The following ITPR3 variants were observed in gnomAD, a reference collection of about 807,000 sequenced individuals.
ITPR3 encodes the protein inositol 1,4,5-trisphosphate receptor type 3.
A neutral mutation model predicts 293.2 loss-of-function variants in ITPR3; 173 were observed. That is an observed-to-expected ratio of 0.59 (90% CI 0.52 to 0.67). The LOEUF (loss-of-function observed/expected upper bound fraction) is 0.67. Ranked by LOEUF, ITPR3 falls within the 30% of genes least tolerant of loss-of-function variation. The probability of loss-of-function intolerance (pLI) is 0.00; values close to 1 mark genes in which losing one functional copy is unlikely to be tolerated. For missense variants in ITPR3, 2,796 were observed against 3,592.1 expected (o/e 0.78, Z 5.66); for synonymous variants, 1,295 against 1,444.4 (o/e 0.90, Z 2.35).
chr6:33,693,997 C>T (rs560623354), intron 56 of ITPR3, among the ~76,000 whole-genome samples: 2 of 152,350 alleles, frequency 1.3e-5, no homozygotes, highest in East Asian at 1.9e-4. Context: ...AAAAATCCCA[C>T]AGCAAACCCA....
chr6:33,674,817 T>C (rs1051653919), intron 24 of ITPR3, among the ~76,000 whole-genome samples: 1 of 152,222 alleles, frequency 6.6e-6, no homozygotes, highest in Non-Finnish European at 1.5e-5. Flanking sequence ...GACAGTTATG[T>C]ATGTGCCTCT....
chr6:33,692,467 CCTT>C lies in ITPR3; in HGVS notation c.7459-258_7459-256del, dbSNP rs1765421647. On this transcript the variant is annotated intron_variant, in intron 54 of 57. Coordinates refer to ENST00000605930, the MANE Select transcript of ITPR3 (RefSeq NM_002224.4). This position sits in a 1 kb window ranked among gnomAD's most constrained non-coding sequence, Gnocchi z 4.2. ...CGTAGCCCTACCTCCCCGCCAGACT[CCTT>C]CTGCAGGCCTCCACCCCGGCGTGTC... Among the ~76,000 whole-genome samples the C allele has an allele frequency of 6.6e-6, 1 of 152,094 alleles. No homozygotes were observed. Among genetic ancestry groups the C allele is most frequent in the South Asian group, 2.1e-4 (1 of 4,834 alleles).
chr6:33,657,433 GCA>G (rs1165166744), intron 3 of ITPR3, among the ~76,000 whole-genome samples: 33 of 152,176 alleles, frequency 2.2e-4, no homozygotes, highest in Non-Finnish European at 5.9e-5. Context: ...TGGGCTGAAT[GCA>G]CACAGTTTTG....
rs1764983090 is a variant in ITPR3 at position 33,678,703 on chromosome 6, G to A, written c.3836G>A (p.Ser1279Asn). The change falls in exon 30 of 58, where the codon AGC becomes AAC. Residue 1279 changes from serine (S) to asparagine (N), a missense_variant. Physicochemically the swap from Ser to Asn is conservative, Grantham distance 46 (BLOSUM62 1). This residue lies in a region of ITPR3 where 344 missense variants were observed against 460.3 expected (regional missense o/e 0.75). Transcript: ENST00000605930. ...LNNYQLCSEI[S>N]EPVLQHFVHL... ...AACTATCAGCTCTGCTCCGAGATCAGCGAGCCTGTGTTGCAGCACTTCGTG... is the reference window on the plus strand; with the variant it reads ...AACTATCAGCTCTGCTCCGAGATCAACGAGCCTGTGTTGCAGCACTTCGTG... 6.2e-7 allele frequency: 1 copy of A among 1,613,166 alleles called. No homozygotes were observed.
chr6:33,631,474 G>A (rs747419843), intron 1 of ITPR3, among the ~76,000 whole-genome samples: 1 of 152,222 alleles, frequency 6.6e-6, no homozygotes, highest in Non-Finnish European at 1.5e-5. Flanking sequence ...GCATATGTCA[G>A]CGTTTTCTTC....
At chr6:33,650,332 G>A (rs1355365941) in intron 2 of ITPR3, among the ~76,000 whole-genome samples, 2 of 152,262 alleles carry the variant, frequency 1.3e-5, no homozygotes, top group Non-Finnish European at 2.9e-5. Context: ...CTTCTGGCAT[G>A]TGTATGTGTG....
chr6:33,687,133 G>A lies in ITPR3; in HGVS notation c.6075+29G>A, dbSNP rs1369147233. ...AGGCTGGGCAGGTGGGCAGGCGGGC[G>A]GAACCAGGTGGAGTGTGTTGGGATG... On this transcript the variant is annotated intron_variant, in intron 44 of 57. Coordinates refer to ENST00000605930, the MANE Select transcript of ITPR3 (RefSeq NM_002224.4). This position sits in a 1 kb window ranked among gnomAD's most constrained non-coding sequence, Gnocchi z 5.3. 17 of 1,608,628 alleles carry A rather than the reference G, an allele frequency of 1.1e-5. No individual in the cohort carries two copies. The highest frequency in any genetic ancestry group is 1.3e-5 in the African/African-American group (1 of 74,772).
Position 33,682,806 on chromosome 6 carries a change from T to C in ITPR3, c.4597+162T>C, listed in dbSNP as rs1416673413. ...CTTGGCGTCTGCCTCATCCTGGCAA[T>C]TGAGAGAAGCTGTTTTCTCCTCTGG... On this transcript the variant is annotated intron_variant, in intron 34 of 57. Coordinates refer to ENST00000605930, the MANE Select transcript of ITPR3 (RefSeq NM_002224.4). This position sits in a 1 kb window ranked among gnomAD's most constrained non-coding sequence, Gnocchi z 5.4. 6.6e-6 allele frequency among the ~76,000 whole-genome samples: 1 copy of C among 152,170 alleles called. No homozygotes were observed. Among genetic ancestry groups the C allele is most frequent in the Non-Finnish European group, 1.5e-5 (1 of 68,020 alleles).
chr6:33,675,939 A>C lies in ITPR3; in HGVS notation c.3282+83A>C. The stretch of plus-strand genomic sequence containing the variant: ...ACAGTAAACGATGATTGAGGAGCTC[A>C]CAGCTCAAGGGGTAACTTGGGATGC... On this transcript the variant is annotated intron_variant, in intron 25 of 57. Coordinates refer to ENST00000605930, the MANE Select transcript of ITPR3 (RefSeq NM_002224.4). This position sits in a 1 kb window ranked among gnomAD's most constrained non-coding sequence, Gnocchi z 5.0. The C allele has an allele frequency of 2.0e-5, 28 of 1,420,782 alleles. No individual in the cohort carries two copies. The highest frequency in any genetic ancestry group is 2.9e-5 in the African/African-American group (2 of 69,064). The allele number at this position is 1,420,782 out of a possible 1,614,324, so 88.0% of individuals were successfully genotyped here.
chr6:33,680,602 G>T lies in ITPR3; in HGVS notation c.4398G>T (p.Lys1466Asn). ...GCGTGGCTGACCCCACCTTGGAGAA[G>T]TACGTGCTGAGCGTTGTGCTGGACA... ...EKRVADPTLEKYVLSVVLDTI... is the reference protein window; with the variant it reads ...EKRVADPTLENYVLSVVLDTI... The change falls in exon 33 of 58, where the codon AAG becomes AAT. Residue 1466 changes from lysine (K) to asparagine (N), a missense_variant. Physicochemically the swap from Lys to Asn is moderately conservative, Grantham distance 94 (BLOSUM62 0). Around this residue, in one of 8 missense-constraint regions of ITPR3, gnomAD observed 344 missense variants for 460.3 expected, o/e 0.75. Transcript: ENST00000605930. 6.2e-7 allele frequency: 1 copy of T among 1,614,114 alleles called. No homozygotes were observed. Among genetic ancestry groups the T allele is most frequent in the Non-Finnish European group, 8.5e-7 (1 of 1,180,016 alleles).
Position 33,687,231 on chromosome 6 carries a change from C to T in ITPR3, c.6081C>T (p.Asp2027=), listed in dbSNP as rs766466833. ...AACAGGCACTGCCCCTCCAGGTGGA[C>T]GTCATCAAGAAGGCCTACCTGCAGG... The part of the protein sequence containing the change: ...LISLRPQELV[D]VIKKAYLQEE... The change falls in exon 45 of 58, where the codon GAC becomes GAT. Residue 2027 remains aspartate (D), a synonymous_variant. Transcript: ENST00000605930. This position sits in a 1 kb window ranked among gnomAD's most constrained non-coding sequence, Gnocchi z 5.3. The T allele has an allele frequency of 4.3e-6, 7 of 1,612,216 alleles. No individual in the cohort carries two copies. The highest frequency in any genetic ancestry group is 3.3e-4 in the Middle Eastern group (2 of 6,080).
intron 8 of ITPR3, 110 bp downstream of exon 8, chr6:33,662,784 C>T: frequency 6.7e-7 from 1 of 1,499,140 alleles, no homozygotes. Context: ...CCTCTGAGTC[C>T]CTCCAGAGTC....
In ITPR3 at chr6:33,621,694, G is replaced by A; in HGVS notation, c.89+3G>A. On this transcript the variant is annotated splice_donor_region_variant and intron_variant, in intron 1 of 57. Transcript: ENST00000605930. This position sits in a 1 kb window ranked among gnomAD's most constrained non-coding sequence, Gnocchi z 7.7. Reference sequence around the variant, plus strand: ...AATGGCTTCATCAGCACTTTGGGGTGAGTGAGCCGAGCTCGAGAGGGGCGC... The same window carrying A: ...AATGGCTTCATCAGCACTTTGGGGTAAGTGAGCCGAGCTCGAGAGGGGCGC... 6.2e-7 allele frequency: 1 copy of A among 1,600,086 alleles called. No homozygotes were observed.
chr6:33,642,854 C>G (rs1430231989), intron 2 of ITPR3, among the ~76,000 whole-genome samples: 3 of 152,194 alleles, frequency 2.0e-5, no homozygotes, highest in African/African-American at 7.2e-5. Flanking sequence ...TGCCCCAGCT[C>G]CTGGTTCCTT....
chr6:33,627,508 A>T (rs1763574817), intron 1 of ITPR3, among the ~76,000 whole-genome samples: 1 of 152,270 alleles, frequency 6.6e-6, no homozygotes, highest in Non-Finnish European at 1.5e-5. Context: ...AAGCAACTCT[A>T]GTATTCAACA....
rs2127287450 is a variant in ITPR3, at chr6:33,672,554, AAT to A, written c.2928+328_2928+329del. On this transcript the variant is annotated intron_variant, in intron 22 of 57. Transcript: ENST00000605930. The surrounding 1 kb of genome is among the most constrained non-coding windows in gnomAD (Gnocchi z 5.0). ...GTGAGACCCCGTCTCTATTAAAAAA[AAT>A]AGTAATAACGATAAATAAATAAAAA... Among the ~76,000 whole-genome samples, 1 of 152,264 alleles carries A rather than the reference AAT, an allele frequency of 6.6e-6. No homozygotes were observed. Among genetic ancestry groups the A allele is most frequent in the African/African-American group, 2.4e-5 (1 of 41,542 alleles).
Position 33,662,957 on chromosome 6 carries a change from G to T in ITPR3, c.905G>T (p.Gly302Val). The change falls in exon 9 of 58, where the codon GGC becomes GTC. Residue 302 changes from glycine to valine, a missense_variant. Physicochemically the swap from Gly to Val is moderately radical, Grantham distance 109 (BLOSUM62 -3). Transcript: ENST00000605930. The part of the protein sequence containing the change: ...PCRGGAGHWN[G>V]LYRFKHLATG... ...CGTGGAGGAGCTGGGCACTGGAATG[G>T]CTTGTACCGCTTCAAGCACCTGGCT... 1.2e-6 allele frequency: 2 copies of T among 1,604,802 alleles called. No individual in the cohort carries two copies. The highest frequency in any genetic ancestry group is 3.4e-5 in the Admixed American group (2 of 58,922).
At chr6:33,688,617 C>T (rs1178849299) in intron 48 of ITPR3, 39 bp from the exon 49 acceptor site, 2 of 1,612,016 alleles carry the variant, frequency 1.2e-6, no homozygotes, top group South Asian at 2.2e-5. Flanking sequence ...GGGTGCTCAC[C>T]AGGGCCCTCC....
At chr6:33,639,260 T>TC (rs1763892355) in intron 1 of ITPR3, among the ~76,000 whole-genome samples, 1 of 151,336 alleles carries the variant, frequency 6.6e-6, no homozygotes. Flanking sequence ...GTGCCTGTAA[T>TC]CCAAGCTACT....
Sources: allele counts gnomAD v4.1 joint callset (sites outside exome capture counted in the v4.1 genomes callset), GRCh38; gene constraint gnomAD v4.1.1; regional missense constraint gnomAD v4.1.1; non-coding constraint Gnocchi (gnomAD v3.1); transcripts MANE v1.5; gene names NCBI Gene and HGNC (gene_info 2026-07-23, HGNC 2026-07-21).